Variants in FSTL4 observed in about 807,000 individuals in gnomAD.
The protein encoded by FSTL4 is follistatin-related protein 4.
In FSTL4, 28 loss-of-function variants were observed where a neutral mutation model predicts 78.2. The ratio of observed to expected loss-of-function variants is 0.36; its 90% CI spans 0.27 to 0.49. The LOEUF is 0.49. Among genes scored for constraint, FSTL4 ranks in the 20% least tolerant of loss-of-function variants. FSTL4 has a pLI of 0.98. For missense variants in FSTL4, 922 were observed against 1,084.9 expected (o/e 0.85, Z 2.11); for synonymous variants, 422 against 440.5 (o/e 0.96, Z 0.53).
At chr5:133,350,794 C>A (rs1006509738) in intron 4 of FSTL4, among the ~76,000 whole-genome samples, 3 of 152,192 alleles carry the variant, frequency 2.0e-5, no homozygotes, top group Admixed American at 6.5e-5. Flanking sequence ...CCAAAATATT[C>A]TCCTTCCAGG....
At chr5:133,286,342 A>AG (rs1269687748) in intron 6 of FSTL4, among the ~76,000 whole-genome samples, 4 of 152,192 alleles carry the variant, frequency 2.6e-5, no homozygotes, top group Non-Finnish European at 5.9e-5. Flanking sequence ...ACTAACAGAG[A>AG]GGGACAACGG....
At position 133,554,223 on chromosome 5, in the gene FSTL4, G is replaced by A. The variant is rs145133802; in HGVS notation, c.160+12963C>T. Among the ~76,000 whole-genome samples, 119 of 152,302 alleles carry A rather than the reference G, an allele frequency of 7.8e-4. No individual in the cohort carries two copies. In the East Asian group the frequency reaches 0.015, roughly 20 times the overall value. ...GAGTGCAGTCGTGAAGACTGGCTACGCAGCTGACCTTTGGGAAATCCAGAC... is the reference window on the plus strand; with the variant it reads ...GAGTGCAGTCGTGAAGACTGGCTACACAGCTGACCTTTGGGAAATCCAGAC... On this transcript the variant is annotated intron_variant, in intron 3 of 15. Coordinates refer to ENST00000265342, the MANE Select transcript of FSTL4 (RefSeq NM_015082.2).
At position 133,345,509 on chromosome 5, in the gene FSTL4, G is replaced by A. The variant is rs139871185; in HGVS notation, c.410-28857C>T. Among the ~76,000 whole-genome samples, 1,220 of 152,250 alleles carry A rather than the reference G, an allele frequency of 8.0e-3. 14 individuals carry two copies. The highest frequency in any genetic ancestry group is 0.028 in the African/African-American group (1,169 of 41,544). ...TGAAGTCTTTGCCCATGCCTACATC[G>A]TGAATGGTATTGCCTAGGTTTTCTT... On this transcript the variant is annotated intron_variant, in intron 4 of 15. Coordinates refer to ENST00000265342, the MANE Select transcript of FSTL4 (RefSeq NM_015082.2).
chr5:133,599,524 G>C (rs1458463077), intron 2 of FSTL4, among the ~76,000 whole-genome samples: 2 of 152,186 alleles, frequency 1.3e-5, no homozygotes, highest in African/African-American at 2.4e-5. Context: ...TAAGCACTGA[G>C]GCACATGAGG....
chr5:133,507,577 C>T (rs1397411386), intron 3 of FSTL4, among the ~76,000 whole-genome samples: 1 of 148,536 alleles, frequency 6.7e-6, no homozygotes, highest in East Asian at 2.0e-4. Flanking sequence ...GGCTGGAGTG[C>T]AGTGGCATGA....
chr5:133,560,753 G>A (rs540619446), intron 3 of FSTL4, among the ~76,000 whole-genome samples: 1 of 151,380 alleles, frequency 6.6e-6, no homozygotes, highest in Non-Finnish European at 1.5e-5. Context: ...GTTAAAGAAA[G>A]ACTCTGACAG....
At chr5:133,700,221 C>G in the FSTL4 span, among the ~76,000 whole-genome samples, 124 of 151,318 alleles carry the variant, frequency 8.2e-4, 1 homozygote, top group Admixed American at 1.2e-3. Context: ...CACAAAGTCA[C>G]CACACCAAAC....
At chr5:133,803,523 C>T in the FSTL4 span, among the ~76,000 whole-genome samples, 1 of 152,298 alleles carries the variant, frequency 6.6e-6, no homozygotes, top group Non-Finnish European at 1.5e-5. Context: ...AGTCCAAGAG[C>T]ACCTCCTGGA....
At chr5:133,636,137 C>T in the FSTL4 span, among the ~76,000 whole-genome samples, 1 of 152,108 alleles carries the variant, frequency 6.6e-6, no homozygotes, top group African/African-American at 2.4e-5. Flanking sequence ...ATGGCTGTTT[C>T]GTAGAAGATA....
At chr5:133,206,114 A>C (rs1481361316) in intron 14 of FSTL4, among the ~76,000 whole-genome samples, 1 of 152,216 alleles carries the variant, frequency 6.6e-6, no homozygotes, top group Non-Finnish European at 1.5e-5. Context: ...ATTTAAAACA[A>C]ACTGTGCATT....
At chr5:133,390,615 C>T (rs531388563) in intron 4 of FSTL4, among the ~76,000 whole-genome samples, 2 of 152,350 alleles carry the variant, frequency 1.3e-5, no homozygotes, top group South Asian at 2.1e-4. Flanking sequence ...GCTGAGGACT[C>T]AACTCCACAG....
intron 4 of FSTL4, among the ~76,000 whole-genome samples, chr5:133,372,146 C>T (rs950303098): frequency 6.6e-5 from 10 of 152,180 alleles, no homozygotes; most frequent in African/African-American, 2.4e-4. Flanking sequence ...GCTTTGGAGA[C>T]AGTTTTCATG....
At chr5:133,696,305 G>T in the FSTL4 span, among the ~76,000 whole-genome samples, 3 of 152,206 alleles carry the variant, frequency 2.0e-5, no homozygotes, top group African/African-American at 7.2e-5. Context: ...CTTTGTCTGG[G>T]GCTCTGAGCT....
At chr5:133,571,014 G>T (rs1760142841) in intron 2 of FSTL4, among the ~76,000 whole-genome samples, 1 of 151,954 alleles carries the variant, frequency 6.6e-6, no homozygotes, top group South Asian at 2.1e-4. Context: ...CAACATTTTC[G>T]GCTTCCCCTT....
At chr5:133,535,765 T>C in intron 3 of FSTL4, among the ~76,000 whole-genome samples, 1 of 152,010 alleles carries the variant, frequency 6.6e-6, no homozygotes, top group Non-Finnish European at 1.5e-5. Flanking sequence ...ACCCAGTCTA[T>C]GACATTTTGT....
the FSTL4 span, among the ~76,000 whole-genome samples, chr5:133,676,774 T>C: frequency 9.5e-4 from 144 of 152,360 alleles, no homozygotes; most frequent in Middle Eastern, 3.4e-3. Context: ...ATTGTTATAA[T>C]GGAAATTTCT....
chr5:133,678,833 T>A, the FSTL4 span, among the ~76,000 whole-genome samples: 1 of 151,886 alleles, frequency 6.6e-6, no homozygotes, highest in Admixed American at 6.5e-5. Flanking sequence ...CCTGGAGAAG[T>A]CAGTATTTTG....
At chr5:133,567,986 G>A (rs1015911105) in intron 2 of FSTL4, among the ~76,000 whole-genome samples, 4 of 152,144 alleles carry the variant, frequency 2.6e-5, no homozygotes, top group African/African-American at 9.7e-5. Context: ...CATTCCAGTT[G>A]GAAACATAAG....
chr5:133,379,090 A>C (rs1471224659), intron 4 of FSTL4, among the ~76,000 whole-genome samples: 1 of 152,268 alleles, frequency 6.6e-6, no homozygotes, highest in East Asian at 1.9e-4. Context: ...AACTATAAGA[A>C]AGCTGAAAGA....
Sources: allele counts gnomAD v4.1 joint callset (sites outside exome capture counted in the v4.1 genomes callset), GRCh38; gene constraint gnomAD v4.1.1; transcripts MANE v1.5; gene names NCBI Gene and HGNC (gene_info 2026-07-23, HGNC 2026-07-21).